RANBP17: variants seen among roughly 807,000 people sequenced by gnomAD.
RANBP17 encodes ran-binding protein 17.
In RANBP17, 158 loss-of-function variants were observed where a neutral mutation model predicts 141.2. The observed-to-expected ratio is 1.12, with a 90% CI of 0.98 to 1.28. The LOEUF (loss-of-function observed/expected upper bound fraction) is 1.28. Ranked by LOEUF, RANBP17 falls within the 50% of genes most tolerant of loss-of-function variation. RANBP17 has a pLI of 0.00. For synonymous variants in RANBP17, 430 were observed against 450.0 expected (o/e 0.96, Z 0.56); for missense variants, 1,438 against 1,290.7 (o/e 1.11, Z -1.75).
chr5:171,020,430 A>G (rs1271035022), intron 14 of RANBP17, among the ~76,000 whole-genome samples: 3 of 152,042 alleles, frequency 2.0e-5, no homozygotes, highest in Non-Finnish European at 4.4e-5. Flanking sequence ...CTAAGAACTC[A>G]TTTTGTGAAT....
chr5:170,874,443 A>G (rs1286810034), intron 1 of RANBP17, among the ~76,000 whole-genome samples: 11 of 152,064 alleles, frequency 7.2e-5, no homozygotes, highest in Admixed American at 6.6e-5. Flanking sequence ...AAATTTTCCC[A>G]CTATTATTGT....
chr5:171,175,366 G>T (rs965531691), intron 16 of RANBP17, among the ~76,000 whole-genome samples: 2 of 152,088 alleles, frequency 1.3e-5, no homozygotes, highest in African/African-American at 4.8e-5. Context: ...GATCCTTGAG[G>T]AATTGCCACA....
chr5:170,873,555 T>C (rs886509562), intron 1 of RANBP17, among the ~76,000 whole-genome samples: 4 of 152,246 alleles, frequency 2.6e-5, no homozygotes, highest in African/African-American at 9.6e-5. Flanking sequence ...TTCTACTTCT[T>C]CCTGGTTTAG....
At chr5:170,923,027 C>T (rs1772604687) in intron 11 of RANBP17, among the ~76,000 whole-genome samples, 1 of 152,048 alleles carries the variant, frequency 6.6e-6, no homozygotes, top group Non-Finnish European at 1.5e-5. Context: ...AAGTCCAATG[C>T]TTTATTTTTT....
At chr5:170,901,177 A>G (rs1770605483) in intron 5 of RANBP17, among the ~76,000 whole-genome samples, 1 of 152,154 alleles carries the variant, frequency 6.6e-6, no homozygotes, top group African/African-American at 2.4e-5. Flanking sequence ...AACTTGCTTT[A>G]TGAATCTGGG....
At chr5:171,203,947 G>C (rs1313560008) in intron 19 of RANBP17, among the ~76,000 whole-genome samples, 2 of 152,156 alleles carry the variant, frequency 1.3e-5, no homozygotes, top group Non-Finnish European at 2.9e-5. Flanking sequence ...TTTGAAGAAG[G>C]CTTCTTAGAA....
Position 171,224,096 on chromosome 5 carries a change from A to AT in RANBP17, c.2422+2257dup, listed in dbSNP as rs951323378. Among the ~76,000 whole-genome samples, 43 of 152,290 alleles carry AT rather than the reference A, an allele frequency of 2.8e-4. 2 individuals carry two copies. The highest frequency in any genetic ancestry group is 2.1e-3 in the South Asian group (10 of 4,828). The stretch of plus-strand genomic sequence containing the variant: ...CCTCTCCTTCCAAAGCCTTTCTCTT[A>AT]TACTCACCAACCCAGCCTTCTTTGG... On this transcript the variant is annotated intron_variant, in intron 22 of 27. Coordinates refer to ENST00000523189, the MANE Select transcript of RANBP17 (RefSeq NM_022897.5).
intron 12 of RANBP17, among the ~76,000 whole-genome samples, chr5:170,926,369 C>T (rs1012484257): frequency 2.0e-5 from 3 of 151,970 alleles, no homozygotes; most frequent in East Asian, 1.9e-4. Flanking sequence ...AATAATATAC[C>T]TCCTAGGTAT....
At chr5:171,111,538 G>A (rs1755232422) in intron 14 of RANBP17, among the ~76,000 whole-genome samples, 1 of 152,082 alleles carries the variant, frequency 6.6e-6, no homozygotes, top group Admixed American at 6.5e-5. Context: ...TCTCTCTGAA[G>A]TGTCAGTCTT....
chr5:170,882,046 C>A, intron 3 of RANBP17, 150 bp downstream of exon 3: 1 of 552,504 alleles, frequency 1.8e-6, no homozygotes, highest in Non-Finnish European at 3.2e-6. Context: ...CTGTGATGAA[C>A]AGTGATGTGT....
chr5:171,205,148 A>C (rs1762499204), intron 19 of RANBP17, among the ~76,000 whole-genome samples: 1 of 152,202 alleles, frequency 6.6e-6, no homozygotes, highest in Admixed American at 6.6e-5. Context: ...GGCCGCTTGC[A>C]TGCAAGCCGA....
intron 14 of RANBP17, among the ~76,000 whole-genome samples, chr5:171,163,755 G>A (rs1759496688): frequency 1.3e-5 from 2 of 152,072 alleles, no homozygotes; most frequent in Admixed American, 6.5e-5. Flanking sequence ...TAATATTTGG[G>A]GGATCTTTTG....
At chr5:171,234,752 G>C (rs1764430281) in intron 22 of RANBP17, among the ~76,000 whole-genome samples, 1 of 152,184 alleles carries the variant, frequency 6.6e-6, no homozygotes, top group Non-Finnish European at 1.5e-5. Flanking sequence ...GATGGGTGTG[G>C]GGGACCAAAG....
Position 171,240,988 on chromosome 5 carries a change from A to C in RANBP17, c.2483A>C (p.Lys828Thr). Residue 828 changes from lysine (K) to threonine (T), a missense_variant, in exon 23 of 28, where the codon AAG (lysine) becomes ACG (threonine). Transcript: ENST00000523189. ...SKDQIYPMKL[K>T]GISICYSALK... ...GATCAGATTTATCCAATGAAACTCA[A>C]GGGCATCTCCATCTGCTATTCAGCT... 1 of 1,613,982 alleles carries C rather than the reference A, an allele frequency of 6.2e-7. No homozygotes were observed. The highest frequency in any genetic ancestry group is 8.5e-7 in the Non-Finnish European group (1 of 1,179,886).
At chr5:171,057,752 T>C (rs749174363) in intron 14 of RANBP17, among the ~76,000 whole-genome samples, 2 of 152,114 alleles carry the variant, frequency 1.3e-5, no homozygotes, top group Non-Finnish European at 2.9e-5. Flanking sequence ...ACCTTCTTCA[T>C]AGGGTAGCAT....
chr5:171,125,864 C>T (rs1162821243), intron 14 of RANBP17, among the ~76,000 whole-genome samples: 1 of 151,594 alleles, frequency 6.6e-6, no homozygotes, highest in Non-Finnish European at 1.5e-5. Context: ...AATCTCGGCT[C>T]AGTGCAACCT....
intron 14 of RANBP17, among the ~76,000 whole-genome samples, chr5:171,078,527 C>A (rs1785076425): frequency 6.6e-6 from 1 of 152,200 alleles, no homozygotes; most frequent in Non-Finnish European, 1.5e-5. Context: ...ACTTTCCTAG[C>A]TAGAGAAGAG....
chr5:171,001,681 C>T (rs1387137744), intron 14 of RANBP17, among the ~76,000 whole-genome samples: 1 of 152,060 alleles, frequency 6.6e-6, no homozygotes, highest in Non-Finnish European at 1.5e-5. Context: ...ACCATTAGCC[C>T]ATTTTACCTT....
intron 25 of RANBP17, among the ~76,000 whole-genome samples, chr5:171,283,096 C>T (rs767446109): frequency 1.3e-5 from 2 of 152,194 alleles, no homozygotes; most frequent in Non-Finnish European, 2.9e-5. Context: ...TTCTCAACAA[C>T]AGATCCAAAT....
Sources: allele counts gnomAD v4.1 joint callset (sites outside exome capture counted in the v4.1 genomes callset), GRCh38; gene constraint gnomAD v4.1.1; transcripts MANE v1.5; gene names NCBI Gene and HGNC (gene_info 2026-07-23, HGNC 2026-07-21).